CACNA1C: variants seen among roughly 807,000 people sequenced by gnomAD.
CACNA1C encodes the protein calcium voltage-gated channel subunit alpha1 C, also known as voltage-dependent L-type calcium channel subunit alpha-1C.
CACNA1C carries 30 observed loss-of-function variants against 229.0 expected under a neutral mutation model. The ratio of observed to expected loss-of-function variants is 0.13; its 90% CI spans 0.10 to 0.18. The LOEUF (loss-of-function observed/expected upper bound fraction) is 0.18. Ranked by LOEUF, CACNA1C falls within the 10% of genes least tolerant of loss-of-function variation. The pLI, the probability that CACNA1C is intolerant of heterozygous loss-of-function variation, is 1.00. For synonymous variants in CACNA1C, 1,114 were observed against 1,132.5 expected (o/e 0.98, Z 0.33); for missense variants, 1,658 against 2,845.0 (o/e 0.58, Z 9.49).
intron 21 of CACNA1C, among the ~76,000 whole-genome samples, chr12:2,598,478 T>C (rs2069862073): frequency 6.6e-6 from 1 of 152,220 alleles, no homozygotes; most frequent in African/African-American, 2.4e-5. Flanking sequence ...TGCTCCTCTC[T>C]GAGCAAGGGG....
Position 2,581,572 on chromosome 12 carries a change from C to T in CACNA1C, c.1896-18C>T, listed in dbSNP as rs1056995890. On this transcript the variant is annotated intron_variant, in intron 13 of 46. Transcript: ENST00000399655. ...CAGCAAGGGGCAGAGTGCTGACCTC[C>T]CTCCTGTTGGCTCTCAGGTACTGGA... 6 of 1,543,462 alleles carry T rather than the reference C, an allele frequency of 3.9e-6. No individual in the cohort carries two copies. The South Asian group carries it at 4.8e-5, about 12-fold the overall frequency.
At chr12:2,477,306 G>A (rs73250476) in intron 5 of CACNA1C, among the ~76,000 whole-genome samples, 2,083 of 152,276 alleles carry the variant, frequency 0.014, 53 homozygotes, top group African/African-American at 0.047. Flanking sequence ...TGGAAGATGA[G>A]GACCCAGAGT....
intron 3 of CACNA1C, among the ~76,000 whole-genome samples, chr12:2,335,463 T>A (rs1186717535): frequency 1.3e-5 from 2 of 151,520 alleles, no homozygotes; most frequent in East Asian, 3.9e-4. Flanking sequence ...TTAAACATAA[T>A]GTAGAAAGAT....
chr12:2,050,736 C>T (rs375929316), upstream of CACNA1C, among the ~76,000 whole-genome samples: 15 of 152,252 alleles, frequency 9.9e-5, no homozygotes, highest in African/African-American at 2.2e-4. Flanking sequence ...TGAAGATGAC[C>T]GAAACAGCTT....
intron 3 of CACNA1C, among the ~76,000 whole-genome samples, chr12:2,375,609 TGAA>T (rs2098029598): frequency 6.6e-6 from 1 of 152,248 alleles, no homozygotes; most frequent in African/African-American, 2.4e-5. Context: ...TAGTTAGTAT[TGAA>T]GTGCCACCTG....
At chr12:2,395,342 C>T (rs769508958) in intron 3 of CACNA1C, among the ~76,000 whole-genome samples, 7 of 152,024 alleles carry the variant, frequency 4.6e-5, no homozygotes, top group Non-Finnish European at 7.4e-5. Flanking sequence ...CCTCAGCCTC[C>T]CAAGTAGCTG....
intron 3 of CACNA1C, among the ~76,000 whole-genome samples, chr12:2,249,646 C>T (rs141030298): frequency 2.7e-4 from 41 of 152,318 alleles, no homozygotes; most frequent in Middle Eastern, 3.4e-3. Context: ...TGATTGTTCC[C>T]TGTTTATTGC....
chr12:2,286,768 A>C (rs2092737753), intron 3 of CACNA1C, among the ~76,000 whole-genome samples: 1 of 152,138 alleles, frequency 6.6e-6, no homozygotes, highest in African/African-American at 2.4e-5. Flanking sequence ...AGAGTGGGAA[A>C]TGTGCGTTGG....
intron 3 of CACNA1C, among the ~76,000 whole-genome samples, chr12:2,409,459 C>T (rs1170043540): frequency 2.0e-5 from 3 of 152,312 alleles, no homozygotes; most frequent in South Asian, 4.1e-4. Context: ...GAGGTATCAC[C>T]GTAGGTGTGC....
In CACNA1C at chr12:2,457,131, A is replaced by G. The variant is rs375107880; in HGVS notation, c.618-436A>G. Among the ~76,000 whole-genome samples the G allele has an allele frequency of 1.2e-4, 19 of 152,316 alleles. No individual in the cohort carries two copies. The South Asian group carries it at 3.9e-3, about 32-fold the overall frequency. On this transcript the variant is annotated intron_variant, in intron 4 of 46. Transcript: ENST00000399655. ...ATTTCCATGGGCCAGGAACAAGTCAAAGAGGGGGGGTATCTAGAAGGAAGG... is the reference window on the plus strand; with the variant it reads ...ATTTCCATGGGCCAGGAACAAGTCAGAGAGGGGGGGTATCTAGAAGGAAGG...
At chr12:2,252,567 T>C (rs970091538) in intron 3 of CACNA1C, among the ~76,000 whole-genome samples, 1 of 152,196 alleles carries the variant, frequency 6.6e-6, no homozygotes, top group Admixed American at 6.5e-5. Flanking sequence ...CTCCACTGTC[T>C]ATCAAGAAGC....
chr12:2,308,708 C>A (rs900143787), intron 3 of CACNA1C, among the ~76,000 whole-genome samples: 2 of 152,202 alleles, frequency 1.3e-5, no homozygotes, highest in African/African-American at 4.8e-5. Context: ...CCTGAAAAGA[C>A]ATTTTTCTAA....
chr12:2,537,349 A>C (rs1599273535), intron 9 of CACNA1C, among the ~76,000 whole-genome samples: 1 of 152,212 alleles, frequency 6.6e-6, no homozygotes, highest in South Asian at 2.1e-4. Flanking sequence ...CAATTTTCTC[A>C]TCCAAAAAAT....
intron 5 of CACNA1C, among the ~76,000 whole-genome samples, chr12:2,468,040 TAGGAA>T (rs2099569767): frequency 6.6e-6 from 1 of 151,946 alleles, no homozygotes; most frequent in Admixed American, 6.6e-5. Flanking sequence ...CCGCACCAGA[TAGGAA>T]GGGAAGAGGC....
In CACNA1C at chr12:2,340,956, C is replaced by CAA. The variant is rs140720432; in HGVS notation, c.478-108015_478-108014dup. 1.0e-3 allele frequency among the ~76,000 whole-genome samples: 147 copies of CAA among 144,442 alleles called. 1 individual carries two copies. The highest frequency in any genetic ancestry group is 3.1e-3 in the African/African-American group (122 of 38,802). The allele number at this position is 144,442 out of a possible 152,430, so 94.8% of individuals were successfully genotyped here. ...TGGGCGACAGAGTGAGACTCCGTCTCAAAAAAGAAAAAAAAAAGACTTGGC... is the reference window on the plus strand; with the variant it reads ...TGGGCGACAGAGTGAGACTCCGTCTCAAAAAAAAGAAAAAAAAAAGACTTGGC... On this transcript the variant is annotated intron_variant, in intron 3 of 46. Transcript: ENST00000399655.
upstream of CACNA1C, among the ~76,000 whole-genome samples, chr12:2,052,549 G>C (rs1043408002): frequency 6.7e-6 from 1 of 149,944 alleles, no homozygotes; most frequent in Non-Finnish European, 1.5e-5. Flanking sequence ...ACGCGGGCGG[G>C]GGGCTGCAGG....
At chr12:2,268,105 G>C (rs955657017) in intron 3 of CACNA1C, among the ~76,000 whole-genome samples, 1 of 152,178 alleles carries the variant, frequency 6.6e-6, no homozygotes, top group African/African-American at 2.4e-5. Flanking sequence ...CCTTGTGCCA[G>C]GGACTGGTTT....
At position 2,067,481 on chromosome 12, in the gene CACNA1C, T is replaced by TGTGTGTGTGTGTGTGCGC. The variant is rs3085990; in HGVS notation, c.49+13871_49+13872insTGTGTGTGTGTGTGCGCG. On this transcript the variant is annotated intron_variant, in intron 1 of 46. Coordinates refer to ENST00000399655, the MANE Select transcript of CACNA1C (RefSeq NM_000719.7). The surrounding 1 kb of genome is among the most constrained non-coding windows in gnomAD (Gnocchi z 5.3). ...GTGTGTGTGTGTGTGTGTGTGTGTG[T>TGTGTGTGTGTGTGTGCGC]GCGCGCGTGTGCGTGCCTGTATGTA... Among the ~76,000 whole-genome samples the TGTGTGTGTGTGTGTGCGC allele has an allele frequency of 1.4e-5, 2 of 140,892 alleles. No homozygotes were observed. The highest frequency in any genetic ancestry group is 2.3e-4 in the South Asian group (1 of 4,362). 92.4% of individuals were successfully genotyped at this position (140,892 alleles called of 152,430 possible). A position where few individuals can be genotyped will look rare whatever the true frequency, so the allele number is the denominator to read the frequency against.
Position 2,399,610 on chromosome 12 carries a change from C to G in CACNA1C, c.478-49366C>G, listed in dbSNP as rs146437336. Among the ~76,000 whole-genome samples, 11 of 152,344 alleles carry G rather than the reference C, an allele frequency of 7.2e-5. No individual in the cohort carries two copies. The East Asian group carries it at 2.1e-3, about 29-fold the overall frequency. On this transcript the variant is annotated intron_variant, in intron 3 of 46. Coordinates refer to ENST00000399655, the MANE Select transcript of CACNA1C (RefSeq NM_000719.7). ...AATGTTCAGACACCTCTTCTCTTCT[C>G]TCCTTCTCTGCCACGCTGCTCTGCT...
Sources: allele counts gnomAD v4.1 joint callset (sites outside exome capture counted in the v4.1 genomes callset), GRCh38; gene constraint gnomAD v4.1.1; non-coding constraint Gnocchi (gnomAD v3.1); transcripts MANE v1.5; gene names NCBI Gene and HGNC (gene_info 2026-07-23, HGNC 2026-07-21).